The following HTRA4 variants were observed in gnomAD, a reference collection of about 807,000 sequenced individuals.
HTRA4 encodes the protein serine protease HTRA4.
Under a neutral mutation model 49.1 loss-of-function variants are expected in HTRA4, and 46 were observed. That is an observed-to-expected ratio of 0.94 (90% CI 0.74 to 1.20). HTRA4 has a LOEUF of 1.20. HTRA4 is among the 50% of genes most tolerant of loss of function. The pLI is 0.00. For missense variants in HTRA4, 602 were observed against 636.9 expected (o/e 0.95, Z 0.59); for synonymous variants, 261 against 264.0 (o/e 0.99, Z 0.11).
At chr8:38,981,397 A>G (rs1248000131) in intron 5 of HTRA4, among the ~76,000 whole-genome samples, 1 of 152,034 alleles carries the variant, frequency 6.6e-6, no homozygotes, top group Admixed American at 6.5e-5. Flanking sequence ...AAGATTTTAA[A>G]AAGTCCTCAG....
chr8:38,984,366 A>G (rs1201759263), intron 8 of HTRA4, among the ~76,000 whole-genome samples: 1 of 150,916 alleles, frequency 6.6e-6, no homozygotes, highest in Non-Finnish European at 1.5e-5. Flanking sequence ...TAATCCTAGC[A>G]CTTTGGGAGG....
intron 2 of HTRA4, among the ~76,000 whole-genome samples, chr8:38,975,684 C>T (rs1835342338): frequency 6.6e-6 from 1 of 152,192 alleles, no homozygotes; most frequent in African/African-American, 2.4e-5. Flanking sequence ...GCTGGGATTA[C>T]GGGTGTAGCC....
rs780283901 is a variant in HTRA4 at position 38,974,228 on chromosome 8, A to G, written c.-36A>G. On this transcript the variant is annotated 5_prime_UTR_variant, in exon 1 of 9. Coordinates refer to ENST00000302495, the MANE Select transcript of HTRA4 (RefSeq NM_153692.4). ...TTAGGAGGGTTTGCAGGTCCAGAGT[A>G]AAGTCACTGAAGAGTGGAAGCGAGG... 8.7e-6 allele frequency: 14 copies of G among 1,603,468 alleles called. No individual in the cohort carries two copies. The highest frequency in any genetic ancestry group is 1.3e-5 in the African/African-American group (1 of 74,720).
chr8:38,978,407 G>A (rs1356774232), intron 4 of HTRA4, among the ~76,000 whole-genome samples: 1 of 152,212 alleles, frequency 6.6e-6, no homozygotes, highest in Non-Finnish European at 1.5e-5. Context: ...CTGAGGTGGA[G>A]CAGTTTCATC....
chr8:38,978,733 A>C (rs1198974343), intron 4 of HTRA4, among the ~76,000 whole-genome samples: 1 of 152,082 alleles, frequency 6.6e-6, no homozygotes, highest in East Asian at 1.9e-4. Flanking sequence ...ACGGTGGCTC[A>C]TGCCTGTAAT....
intron 8 of HTRA4, among the ~76,000 whole-genome samples, chr8:38,985,605 A>G (rs546324743): frequency 5.3e-4 from 81 of 152,056 alleles, no homozygotes; most frequent in African/African-American, 2.0e-3. Flanking sequence ...GTCTCATGTT[A>G]CTAAATTTGG....
chr8:38,988,125 T>TTA lies in HTRA4; in HGVS notation c.*27_*28insTA, dbSNP rs1835508604. 4.5e-6 allele frequency: 6 copies of TTA among 1,335,028 alleles called. No homozygotes were observed. The African/African-American group carries it at 7.7e-5, about 17-fold the overall frequency. 82.7% of individuals were successfully genotyped at this position (1,335,028 alleles called of 1,614,324 possible). ...TATCTTGTTTTAAAGTGGGATTATC[T>TTA]AAAAAAAAAAAAACCAGTTATATCA... On this transcript the variant is annotated 3_prime_UTR_variant, in exon 9 of 9. Transcript: ENST00000302495.
chr8:38,981,228 C>T (rs1835419349), intron 5 of HTRA4, among the ~76,000 whole-genome samples: 1 of 150,604 alleles, frequency 6.6e-6, no homozygotes, highest in Admixed American at 6.6e-5. Flanking sequence ...TACAGGCACC[C>T]GCCACCAGGC....
chr8:38,977,969 T>C lies in HTRA4; in HGVS notation c.788T>C (p.Leu263Pro). Residue 263 changes from leucine to proline, a missense_variant, in exon 4 of 9, where the codon CTG becomes CCG. Leu to Pro is a moderately conservative substitution (Grantham distance 98). Coordinates refer to ENST00000302495, the MANE Select transcript of HTRA4 (RefSeq NM_153692.4). ...CACGTGCAGGCTGAACTTCCTGTAC[T>C]GATGCTGGGAAGATCATCTGACCTT... is the stretch of plus-strand genomic sequence containing the variant. ...KIESNAELPVLMLGRSSDLRA... is the reference protein window; with the variant it reads ...KIESNAELPVPMLGRSSDLRA... 6.2e-7 allele frequency: 1 copy of C among 1,614,052 alleles called. No homozygotes were observed. Among genetic ancestry groups the C allele is most frequent in the Non-Finnish European group, 8.5e-7 (1 of 1,179,994 alleles).
At chr8:38,980,553 C>G (rs1434802614) in intron 5 of HTRA4, among the ~76,000 whole-genome samples, 1 of 148,812 alleles carries the variant, frequency 6.7e-6, no homozygotes, top group Non-Finnish European at 1.5e-5. Flanking sequence ...CATGGTGAAA[C>G]CCCATCTCTA....
At chr8:38,979,286 T>G (rs758305471) in intron 5 of HTRA4, 39 bp downstream of exon 5, 1 of 1,588,708 alleles carries the variant, frequency 6.3e-7, no homozygotes, top group Non-Finnish European at 8.6e-7. Flanking sequence ...TGTTTCTTCT[T>G]AACTTTCAAA....
chr8:38,981,115 G>T (rs529623054), intron 5 of HTRA4, among the ~76,000 whole-genome samples: 53 of 113,310 alleles, frequency 4.7e-4, no homozygotes, highest in African/African-American at 1.8e-3. Context: ...AGTCTCGCTA[G>T]GTCGCCCAGG....
At chr8:38,976,943 T>A (rs982096348) in intron 3 of HTRA4, among the ~76,000 whole-genome samples, 1 of 152,162 alleles carries the variant, frequency 6.6e-6, no homozygotes, top group South Asian at 2.1e-4. Flanking sequence ...CTTTCTTTTC[T>A]TTCTTTTTTT....
At chr8:38,976,873 T>G (rs1835357709) in intron 3 of HTRA4, 134 bp downstream of exon 3, 2 of 819,852 alleles carry the variant, frequency 2.4e-6, no homozygotes, top group Admixed American at 2.5e-5. Context: ...TTTCTTTCTG[T>G]TCTTTACTCC....
At position 38,976,717 on chromosome 8, in the gene HTRA4, C is replaced by A. The variant is rs372971012; in HGVS notation, c.749C>A (p.Ala250Glu). Residue 250 changes from alanine to glutamate, a missense_variant, in exon 3 of 9, where the codon GCG becomes GAG. Ala to Glu is a moderately radical substitution (Grantham distance 107, BLOSUM62 -1). Transcript: ENST00000302495. ...GATATTGACCTTAAATTGGATCTTG[C>A]GGTGATTAAGATTGAATCAAATGTG... The part of the protein sequence containing the change: ...VKDIDLKLDL[A>E]VIKIESNAEL... 2.4e-5 allele frequency: 38 copies of A among 1,614,042 alleles called. No individual in the cohort carries two copies. In the South Asian group the frequency reaches 2.9e-4, roughly 12 times the overall value.
intron 3 of HTRA4, 96 bp from the exon 4 acceptor site, chr8:38,977,857 C>A: frequency 1.6e-6 from 2 of 1,259,518 alleles, no homozygotes; most frequent in Non-Finnish European, 1.1e-6. Context: ...ATAGAGACAG[C>A]GTCATATATG....
chr8:38,987,922 T>TC lies in HTRA4; in HGVS notation c.1269-13dup, dbSNP rs746497371. 6 of 1,534,332 alleles carry TC rather than the reference T, an allele frequency of 3.9e-6. No individual in the cohort carries two copies. In the South Asian group the frequency reaches 6.3e-5, roughly 16 times the overall value. ...TATAGTTTCATGATCCTCTTTTTTT[T>TC]CTCCCTCTCTCAGCTCTGGATTGAG... On this transcript the variant is annotated splice_polypyrimidine_tract_variant and intron_variant, in intron 8 of 8. Coordinates refer to ENST00000302495, the MANE Select transcript of HTRA4 (RefSeq NM_153692.4).
intron 8 of HTRA4, among the ~76,000 whole-genome samples, chr8:38,987,637 T>G (rs1163929307): frequency 2.0e-5 from 3 of 152,114 alleles, no homozygotes; most frequent in Non-Finnish European, 2.9e-5. Context: ...TGATAGAAAT[T>G]AAAAGCTAAA....
At chr8:38,978,750 A>G (rs1210550182) in intron 4 of HTRA4, among the ~76,000 whole-genome samples, 1 of 151,696 alleles carries the variant, frequency 6.6e-6, no homozygotes, top group Non-Finnish European at 1.5e-5. Flanking sequence ...TAATCCCAGC[A>G]CTTTGGGAGG....
Sources: gnomAD v4.1 joint callset for allele counts (sites outside exome capture counted in the v4.1 genomes callset) on GRCh38, gnomAD v4.1.1 for gene constraint, MANE v1.5 for transcripts, NCBI Gene and HGNC (gene_info 2026-07-23, HGNC 2026-07-21) for gene names.